UNC79: variants seen among roughly 807,000 people sequenced by gnomAD.
UNC79 encodes the protein unc-79 subunit of NALCN channel complex.
UNC79 carries 37 observed loss-of-function variants against 283.1 expected under a neutral mutation model. The ratio of observed to expected loss-of-function variants is 0.13; its 90% CI spans 0.10 to 0.17. The LOEUF is 0.17. UNC79 is among the 10% of genes least tolerant of loss of function. The pLI is 1.00. For synonymous variants in UNC79, 1,107 were observed against 1,200.2 expected, an observed-to-expected ratio of 0.92 and a Z score of 1.61; for missense variants, 2,272 against 3,211.1, an observed-to-expected ratio of 0.71 and a Z score of 7.07.
rs2060649504 is a variant in UNC79, at chr14:93,528,546, CAT to C, written c.964-9_964-8del. ...AACAGGAGAGTTCATTCTGTCTTTT[CAT>C]ATGTTTCAGATGTGTATAGACCCTT... On this transcript the variant is annotated splice_polypyrimidine_tract_variant and intron_variant, in intron 8 of 48. Transcript: ENST00000555664. 6.2e-7 allele frequency: 1 copy of C among 1,612,030 alleles called. No individual in the cohort carries two copies. Among genetic ancestry groups the C allele is most frequent in the Non-Finnish European group, 8.5e-7 (1 of 1,178,518 alleles).
exon 32 of UNC79, chr14:93,637,218 C>G (rs376392862): frequency 3.4e-6 from 4 of 1,181,176 alleles, no homozygotes; most frequent in Non-Finnish European, 5.1e-6. Context: ...ATCCACAGAA[C>G]AGATACAGCC....
At chr14:93,588,400 A>G (rs1163505878) in intron 22 of UNC79, among the ~76,000 whole-genome samples, 1 of 152,196 alleles carries the variant, frequency 6.6e-6, no homozygotes, top group Admixed American at 6.5e-5. Flanking sequence ...GAAACATCAG[A>G]TACTTAGAGA....
intron 4 of UNC79, among the ~76,000 whole-genome samples, chr14:93,485,020 G>T (rs1029690816): frequency 6.6e-6 from 1 of 152,042 alleles, no homozygotes; most frequent in African/African-American, 2.4e-5. Context: ...AGACATGTGG[G>T]CATCTTTCCT....
Position 93,474,256 on chromosome 14 carries a change from G to A in UNC79, c.311G>A (p.Arg104Gln), listed in dbSNP as rs976705148. Residue 104 changes from arginine to glutamine, a missense_variant, in exon 3 of 49, where the codon CGA (arginine) becomes CAA (glutamine). Arg to Gln is a conservative substitution (Grantham distance 43). This residue lies in a region of UNC79 where 194 missense variants were observed against 268.9 expected (regional missense o/e 0.72). Transcript: ENST00000555664. The surrounding 1 kb of genome is among the most constrained non-coding windows in gnomAD (Gnocchi z 4.1). ...CGCTCCCTCCTTTACAGCGTCCTGC[G>A]AGATGCTCCCTCAGAACGCGGCCCG... 26 of 1,535,880 alleles carry A rather than the reference G, an allele frequency of 1.7e-5. No homozygotes were observed. Among genetic ancestry groups the A allele is most frequent in the African/African-American group, 4.1e-5 (3 of 72,986 alleles).
chr14:93,623,864 G>T (rs1361968227), intron 30 of UNC79, among the ~76,000 whole-genome samples: 4 of 152,218 alleles, frequency 2.6e-5, no homozygotes, highest in Admixed American at 6.5e-5. Flanking sequence ...CTGCACTCCA[G>T]CCTGGTGACA....
intron 37 of UNC79, 63 bp from the exon 41 acceptor site, chr14:93,655,167 TACCA>T: frequency 6.4e-7 from 1 of 1,558,618 alleles, no homozygotes. Context: ...AACTGACATT[TACCA>T]AATAGCGCTA....
intron 31 of UNC79, among the ~76,000 whole-genome samples, chr14:93,635,909 T>C (rs1394512941): frequency 6.6e-6 from 1 of 152,232 alleles, no homozygotes; most frequent in African/African-American, 2.4e-5. Context: ...CTGTGCTTTC[T>C]TCTTTATGGA....
At chr14:93,599,174 G>A (rs1225216849) in intron 24 of UNC79, among the ~76,000 whole-genome samples, 1 of 152,208 alleles carries the variant, frequency 6.6e-6, no homozygotes, top group Non-Finnish European at 1.5e-5. Context: ...AGGGCAGTGT[G>A]TTAAAAGTGT....
chr14:93,478,875 T>G (rs968258511), intron 4 of UNC79, among the ~76,000 whole-genome samples: 1 of 152,210 alleles, frequency 6.6e-6, no homozygotes, highest in African/African-American at 2.4e-5. Flanking sequence ...TTGAGCTACA[T>G]TTGCTTATTT....
At chr14:93,604,865 T>C in intron 26 of UNC79, 31 bp from the exon 27 acceptor site, 4 of 1,547,850 alleles carry the variant, frequency 2.6e-6, no homozygotes, top group Non-Finnish European at 3.5e-6. Flanking sequence ...CTGTAATGCT[T>C]ATTTAAATAG....
intron 1 of UNC79, chr14:93,334,810 G>T (rs1465746694): frequency 6.6e-6 from 1 of 152,190 alleles, no homozygotes; most frequent in Non-Finnish European, 1.5e-5. Flanking sequence ...GGTATATGTG[G>T]TGGGTCCTGG....
intron 5 of UNC79, among the ~76,000 whole-genome samples, chr14:93,491,243 A>G (rs1445822338): frequency 6.6e-6 from 1 of 152,094 alleles, no homozygotes; most frequent in African/African-American, 2.4e-5. Flanking sequence ...AGGTGACACA[A>G]ACATTCAGTC....
At chr14:93,610,683 T>G (rs946666869) in intron 26 of UNC79, among the ~76,000 whole-genome samples, 78 of 151,942 alleles carry the variant, frequency 5.1e-4, no homozygotes, top group African/African-American at 1.8e-3. Context: ...TGATCACAGC[T>G]CACTGCAGCT....
At chr14:93,370,301 A>T (rs1328755864) in intron 1 of UNC79, among the ~76,000 whole-genome samples, 1 of 152,246 alleles carries the variant, frequency 6.6e-6, no homozygotes, top group Non-Finnish European at 1.5e-5. Context: ...ACTCAAATAG[A>T]TAAACTAGAT....
intron 1 of UNC79, among the ~76,000 whole-genome samples, chr14:93,401,564 C>T (rs1013038503): frequency 2.6e-5 from 4 of 152,174 alleles, no homozygotes; most frequent in African/African-American, 9.7e-5. Context: ...GGAACTAGAG[C>T]CACATTTACT....
chr14:93,470,439 A>G (rs1216190618), intron 2 of UNC79, among the ~76,000 whole-genome samples: 2 of 152,200 alleles, frequency 1.3e-5, no homozygotes, highest in Non-Finnish European at 2.9e-5. Context: ...CTTAGCTCAT[A>G]ATTAGACTCA....
chr14:93,635,022 C>T (rs2068389205), intron 31 of UNC79, among the ~76,000 whole-genome samples: 1 of 152,102 alleles, frequency 6.6e-6, no homozygotes, highest in Non-Finnish European at 1.5e-5. Context: ...TATAGTAATA[C>T]TAATAGTGAT....
intron 14 of UNC79, among the ~76,000 whole-genome samples, chr14:93,544,926 C>G (rs915555695): frequency 2.0e-5 from 3 of 152,148 alleles, no homozygotes; most frequent in Admixed American, 2.0e-4. Flanking sequence ...GTGGACCAAA[C>G]TGTTGTAGCA....
At chr14:93,495,364 A>G (rs1313510293) in intron 5 of UNC79, among the ~76,000 whole-genome samples, 1 of 152,170 alleles carries the variant, frequency 6.6e-6, no homozygotes, top group Non-Finnish European at 1.5e-5. Flanking sequence ...AAACCATCAG[A>G]TCTCGGGAGA....
Sources: allele counts gnomAD v4.1 joint callset (sites outside exome capture counted in the v4.1 genomes callset), GRCh38; gene constraint gnomAD v4.1.1; regional missense constraint gnomAD v4.1.1; non-coding constraint Gnocchi (gnomAD v3.1); transcripts MANE v1.5; gene names NCBI Gene and HGNC (gene_info 2026-07-23, HGNC 2026-07-21).